HERC3: variants seen among roughly 807,000 people sequenced by gnomAD.
The protein encoded by HERC3 is probable E3 ubiquitin-protein ligase HERC3.
A neutral mutation model predicts 129.9 loss-of-function variants in HERC3; 58 were observed. The observed-to-expected ratio is 0.45, with a 90% CI of 0.36 to 0.56. The LOEUF (loss-of-function observed/expected upper bound fraction) is 0.56, where lower values mean the gene tolerates loss of function less well. HERC3 is among the 20% of genes least tolerant of loss of function. The pLI is 0.00. For synonymous variants in HERC3, 430 were observed against 451.0 expected (o/e 0.95, Z 0.59); for missense variants, 835 against 1,244.2 (o/e 0.67, Z 4.95).
At chr4:88,634,285 C>T (rs1027160682) in intron 3 of HERC3, among the ~76,000 whole-genome samples, 3 of 152,208 alleles carry the variant, frequency 2.0e-5, no homozygotes, top group Non-Finnish European at 2.9e-5. Flanking sequence ...ACCATGGAGC[C>T]GTGCAGATTC....
chr4:88,679,946 A>T, intron 19 of HERC3, 147 bp from the exon 20 acceptor site: 1 of 602,958 alleles, frequency 1.7e-6, no homozygotes, highest in Non-Finnish European at 2.7e-6. Context: ...TAATCAACAG[A>T]CACACCTTGC....
the HERC3 span, among the ~76,000 whole-genome samples, chr4:88,553,058 A>G: frequency 2.0e-5 from 3 of 152,226 alleles, no homozygotes; most frequent in African/African-American, 7.2e-5. Context: ...AACAAAACTG[A>G]ATTTGTCTGT....
At chr4:88,526,626 T>A in the HERC3 span, among the ~76,000 whole-genome samples, 8 of 152,280 alleles carry the variant, frequency 5.3e-5, no homozygotes, top group South Asian at 6.2e-4. Flanking sequence ...AGCCTTGACC[T>A]CCCAGACTCA....
At chr4:88,695,813 TG>T (rs1269068438) in intron 23 of HERC3, 1 of 152,648 alleles carries the variant, frequency 6.6e-6, no homozygotes, top group African/African-American at 2.4e-5. Context: ...GAGGAGAAAC[TG>T]GCCACTGAGA....
the HERC3 span, among the ~76,000 whole-genome samples, chr4:88,558,071 C>CAAAAAAAAAAA: frequency 1.8e-4 from 7 of 39,146 alleles, no homozygotes; most frequent in Non-Finnish European, 3.3e-4. Context: ...GACTCTGACT[C>CAAAAAAAAAAA]AAAAAAAAAA....
At chr4:88,615,202 T>G (rs1024363850) in intron 3 of HERC3, among the ~76,000 whole-genome samples, 1 of 151,964 alleles carries the variant, frequency 6.6e-6, no homozygotes, top group African/African-American at 2.4e-5. Context: ...ATTTTTTAGT[T>G]TGGCAATTTT....
intron 23 of HERC3, chr4:88,696,090 A>T (rs2149337922): frequency 6.5e-6 from 1 of 152,748 alleles, no homozygotes; most frequent in East Asian, 1.9e-4. Flanking sequence ...CTCAAGCAGT[A>T]AAATTTGATT....
In HERC3 at chr4:88,682,341, C is replaced by CT. The variant is rs557495442; in HGVS notation, c.2507+1019dup. Among the ~76,000 whole-genome samples the CT allele has an allele frequency of 8.4e-4, 128 of 151,612 alleles. 1 individual carries two copies. Among genetic ancestry groups the CT allele is most frequent in the East Asian group, 5.8e-4 (3 of 5,154 alleles). On this transcript the variant is annotated intron_variant, in intron 21 of 25. Coordinates refer to ENST00000402738, the MANE Select transcript of HERC3 (RefSeq NM_014606.3). ...TTCATTTTATTTTTTTTAAATTATA[C>CT]TTTAAGTTTTAGGATACATGTGCAC...
At chr4:88,696,190 C>A (rs114535469) in intron 23 of HERC3, 20 of 152,728 alleles carry the variant, frequency 1.3e-4, no homozygotes, top group African/African-American at 4.3e-4. Flanking sequence ...CTTTCTACTT[C>A]TGAGCTGGGG....
intron 20 of HERC3, 133 bp from the exon 21 acceptor site, chr4:88,681,026 C>T: frequency 1.4e-6 from 2 of 1,435,980 alleles, no homozygotes; most frequent in South Asian, 1.5e-5. Context: ...TGTTTCTTTG[C>T]TACAGAAGGT....
chr4:88,639,920 G>T (rs1262385733), intron 3 of HERC3, among the ~76,000 whole-genome samples: 1 of 151,970 alleles, frequency 6.6e-6, no homozygotes, highest in Non-Finnish European at 1.5e-5. Flanking sequence ...GTGGGCAAAG[G>T]ATATGAACAG....
Position 88,655,197 on chromosome 4 carries a change from C to T in HERC3, c.801C>T (p.Gly267=), listed in dbSNP as rs61755665. 1.9e-3 allele frequency: 2,988 copies of T among 1,613,762 alleles called. 5 individuals are homozygous for T. The highest frequency in any genetic ancestry group is 2.2e-3 in the Non-Finnish European group (2,548 of 1,179,804). Residue 267 remains glycine (G), a synonymous_variant, in exon 8 of 26, where the codon GGC becomes GGT. Transcript: ENST00000402738. ...LTKSGGVFTF[G]AGSCGQLGHD... ...AGAGTGGAGGTGTGTTTACCTTTGG[C>T]GCTGGTTCCTGTGGGCAACTTGGAC...
chr4:88,562,079 C>T, the HERC3 span, among the ~76,000 whole-genome samples: 1 of 152,158 alleles, frequency 6.6e-6, no homozygotes, highest in African/African-American at 2.4e-5. Context: ...ATACTGTTCT[C>T]CATAGTGGCT....
At chr4:88,656,222 A>C in intron 9 of HERC3, 187 bp downstream of exon 9, 1 of 608,404 alleles carries the variant, frequency 1.6e-6, no homozygotes, top group Non-Finnish European at 2.8e-6. Flanking sequence ...CTAGAGAATA[A>C]ATAAAGCAGG....
At chr4:88,672,376 A>G (rs1284936888) in intron 16 of HERC3, among the ~76,000 whole-genome samples, 2 of 152,212 alleles carry the variant, frequency 1.3e-5, no homozygotes, top group South Asian at 2.1e-4. Context: ...TTAAAGAAAT[A>G]TGGAAAATTA....
At chr4:88,647,313 A>G (rs1459512293) in intron 3 of HERC3, among the ~76,000 whole-genome samples, 9 of 152,226 alleles carry the variant, frequency 5.9e-5, no homozygotes, top group African/African-American at 2.2e-4. Context: ...GTGTTAGGCC[A>G]TATACTAACA....
At chr4:88,658,583 T>C (rs1401350679) in intron 10 of HERC3, 92 bp downstream of exon 10, 1 of 629,464 alleles carries the variant, frequency 1.6e-6, no homozygotes, top group South Asian at 2.1e-5. Context: ...AAGAGCAATG[T>C]TACTCTTTGT....
the HERC3 span, among the ~76,000 whole-genome samples, chr4:88,571,281 G>C: frequency 3.3e-5 from 5 of 152,180 alleles, no homozygotes; most frequent in Non-Finnish European, 7.3e-5. Context: ...GGGAAATTAA[G>C]TATCATAACT....
the HERC3 span, among the ~76,000 whole-genome samples, chr4:88,567,083 C>T: frequency 1.3e-5 from 2 of 152,186 alleles, no homozygotes; most frequent in Admixed American, 1.3e-4. Context: ...GCCACCATAC[C>T]TGGCTTCTCA....
Sources: gnomAD v4.1 joint callset for allele counts (sites outside exome capture counted in the v4.1 genomes callset) on GRCh38, gnomAD v4.1.1 for gene constraint, MANE v1.5 for transcripts, NCBI Gene and HGNC (gene_info 2026-07-23, HGNC 2026-07-21) for gene names.